Variants in KIF5C observed in about 807,000 individuals in gnomAD.
KIF5C encodes the protein kinesin family member 5C.
A neutral mutation model predicts 125.2 loss-of-function variants in KIF5C; 18 were observed. The observed-to-expected ratio is 0.14, with a 90% CI of 0.10 to 0.21. The LOEUF is 0.21. KIF5C is among the 10% of genes least tolerant of loss of function. KIF5C has a pLI of 1.00. For synonymous variants in KIF5C, 405 were observed against 434.0 expected, an observed-to-expected ratio of 0.93 and a Z score of 0.83; for missense variants, 780 against 1,183.8, an observed-to-expected ratio of 0.66 and a Z score of 5.01.
rs1682597685 is a variant in KIF5C, at chr2:149,023,548, G to A, written c.*478G>A. ...AAAAAGTGCTGCTATAGGGTTCAAA[G>A]TTTTCCTTCTGAACACTTTTCCGAA... On this transcript the variant is annotated 3_prime_UTR_variant, in exon 26 of 26. Transcript: ENST00000435030. 1 of 152,604 alleles carries A rather than the reference G, an allele frequency of 6.6e-6. No individual in the cohort carries two copies. The highest frequency in any genetic ancestry group is 6.5e-5 in the Admixed American group (1 of 15,276). 9.5% of individuals were successfully genotyped at this position (152,604 alleles called of 1,614,324 possible). A position where few individuals can be genotyped will look rare whatever the true frequency, so the allele number is the denominator to read the frequency against.
chr2:148,999,625 C>T (rs917344801), intron 19 of KIF5C, among the ~76,000 whole-genome samples: 3 of 152,138 alleles, frequency 2.0e-5, no homozygotes, highest in African/African-American at 4.8e-5. Flanking sequence ...ATCTCACATT[C>T]GTTATTCTGA....
chr2:148,929,314 C>T lies in KIF5C; in HGVS notation c.251C>T (p.Ala84Val). ...GAAGGTTATAACGGGACGATTTTTG[C>T]GTATGGGCAGACTTCATCAGGAAAA... ...VLEGYNGTIF[A>V]YGQTSSGKTH... Residue 84 changes from alanine (A) to valine (V), a missense_variant, in exon 3 of 26, where the codon GCG (alanine) becomes GTG (valine). Around this residue, in one of 2 missense-constraint regions of KIF5C, gnomAD observed 207 missense variants for 441.2 expected, o/e 0.47. Transcript: ENST00000435030. 4 of 1,535,738 alleles carry T rather than the reference C, an allele frequency of 2.6e-6. No homozygotes were observed. The highest frequency in any genetic ancestry group is 3.5e-6 in the Non-Finnish European group (4 of 1,145,700).
chr2:148,952,697 T>C (rs976099337), intron 10 of KIF5C, among the ~76,000 whole-genome samples: 1 of 152,134 alleles, frequency 6.6e-6, no homozygotes, highest in African/African-American at 2.4e-5. Context: ...CCCAGTCTTC[T>C]CTCCCACAGA....
intron 1 of KIF5C, among the ~76,000 whole-genome samples, chr2:148,895,143 C>A (rs1681805669): frequency 6.6e-6 from 1 of 151,976 alleles, no homozygotes; most frequent in Non-Finnish European, 1.5e-5. Context: ...CAAGCACTCC[C>A]TGGAATTTTG....
chr2:149,009,204 C>A (rs1194951409), intron 23 of KIF5C, among the ~76,000 whole-genome samples: 2 of 151,930 alleles, frequency 1.3e-5, no homozygotes, highest in African/African-American at 4.8e-5. Context: ...GTTGGTCAGG[C>A]TGGTCTTGAA....
At chr2:148,877,338 C>G (rs1284371446) in intron 1 of KIF5C, 1 of 152,302 alleles carries the variant, frequency 6.6e-6, no homozygotes, top group African/African-American at 2.4e-5. Context: ...ATTCTGCGAG[C>G]TGACCTATGA....
intron 23 of KIF5C, 39 bp from the exon 24 acceptor site, chr2:149,010,096 G>T: frequency 6.6e-7 from 1 of 1,515,992 alleles, no homozygotes. Context: ...AATGCTGCCT[G>T]CCTGGTAGTA....
intron 1 of KIF5C, among the ~76,000 whole-genome samples, chr2:148,909,692 G>C (rs1273506385): frequency 6.6e-6 from 1 of 152,178 alleles, no homozygotes; most frequent in African/African-American, 2.4e-5. Flanking sequence ...GTCTGAAAGA[G>C]AGCTCTCAGC....
intron 1 of KIF5C, among the ~76,000 whole-genome samples, chr2:148,894,110 TG>T (rs1681776720): frequency 6.6e-6 from 1 of 152,182 alleles, no homozygotes; most frequent in African/African-American, 2.4e-5. Context: ...CCTTTAAGGG[TG>T]GGGCAAAGTG....
intron 7 of KIF5C, among the ~76,000 whole-genome samples, chr2:148,943,271 G>A (rs746183261): frequency 7.2e-5 from 11 of 152,182 alleles, no homozygotes; most frequent in Admixed American, 6.5e-5. Flanking sequence ...AAAGCCTTCC[G>A]ATATGTTACT....
chr2:148,929,996 T>C (rs1173895207), intron 3 of KIF5C, among the ~76,000 whole-genome samples: 1 of 152,232 alleles, frequency 6.6e-6, no homozygotes, highest in Admixed American at 6.5e-5. Context: ...ACATTTCTAG[T>C]GCAGGGAACA....
intron 22 of KIF5C, 24 bp downstream of exon 22, chr2:149,005,488 G>T: frequency 6.2e-7 from 1 of 1,611,858 alleles, no homozygotes. Context: ...GTCTGAATGG[G>T]ACTGAGAAGA....
chr2:149,000,310 T>TA, intron 19 of KIF5C, 113 bp from the exon 20 acceptor site: 1 of 1,314,070 alleles, frequency 7.6e-7, no homozygotes, highest in Non-Finnish European at 1.0e-6. Flanking sequence ...CCTGCAGAAT[T>TA]ACTGCCTTTA....
intron 16 of KIF5C, among the ~76,000 whole-genome samples, chr2:148,993,508 C>T (rs1190245266): frequency 6.6e-6 from 1 of 152,198 alleles, no homozygotes; most frequent in African/African-American, 2.4e-5. Flanking sequence ...GAATCTGACA[C>T]AGTCTTTCCA....
At chr2:148,887,598 T>C (rs759135105) in intron 1 of KIF5C, among the ~76,000 whole-genome samples, 2 of 152,078 alleles carry the variant, frequency 1.3e-5, no homozygotes, top group Non-Finnish European at 2.9e-5. Context: ...TTCGATTCTA[T>C]TCAGGGAAAC....
intron 25 of KIF5C, among the ~76,000 whole-genome samples, chr2:149,021,605 G>A (rs973433572): frequency 6.6e-6 from 1 of 151,916 alleles, no homozygotes; most frequent in African/African-American, 2.4e-5. Context: ...AAAAAAAAGA[G>A]CATGGTAGCG....
Position 149,010,230 on chromosome 2 carries a change from G to A in KIF5C, c.2646G>A (p.Ala882=), listed in dbSNP as rs767595087. The A allele has an allele frequency of 5.1e-6, 8 of 1,574,164 alleles. No individual in the cohort carries two copies. The highest frequency in any genetic ancestry group is 1.4e-5 in the African/African-American group (1 of 73,808). Residue 882 remains alanine (A), a synonymous_variant, in exon 24 of 26, where the codon GCG becomes GCA. Transcript: ENST00000435030. ...AGCGCGTCAAGGCTCTGGAGAGCGC[G>A]CTGAAGGAGGCCAAGGAGAACGCCA... ...TAERVKALES[A]LKEAKENAMR...
rs138689546 is a variant in KIF5C at position 148,950,545 on chromosome 2, A to G, written c.968+83A>G. On this transcript the variant is annotated intron_variant, in intron 10 of 25. Coordinates refer to ENST00000435030, the MANE Select transcript of KIF5C (RefSeq NM_004522.3). ...ATGGCAAGGCTGGGTGCAATGGCTC[A>G]CACCTGTAATCCCAGCACTTTGGGA... is the stretch of plus-strand genomic sequence containing the variant. 9.4e-6 allele frequency: 14 copies of G among 1,493,480 alleles called. No individual in the cohort carries two copies. The African/African-American group carries it at 1.9e-4, about 21-fold the overall frequency. 92.5% of individuals were successfully genotyped at this position (1,493,480 alleles called of 1,614,324 possible).
At chr2:148,879,304 T>A (rs1681281294) in intron 1 of KIF5C, 1 of 152,196 alleles carries the variant, frequency 6.6e-6, no homozygotes, top group East Asian at 1.9e-4. Context: ...TATTTATCGA[T>A]CTCTCTGTGA....
Sources: allele counts gnomAD v4.1 joint callset (sites outside exome capture counted in the v4.1 genomes callset), GRCh38; gene constraint gnomAD v4.1.1; regional missense constraint gnomAD v4.1.1; transcripts MANE v1.5; gene names NCBI Gene and HGNC (gene_info 2026-07-23, HGNC 2026-07-21).